Variants in CAMK2G observed in about 807,000 individuals in gnomAD.
The protein encoded by CAMK2G is calcium/calmodulin-dependent protein kinase type II subunit gamma.
CAMK2G carries 23 observed loss-of-function variants against 88.7 expected under a neutral mutation model. The observed-to-expected ratio is 0.26, with a 90% CI of 0.19 to 0.37. The LOEUF (loss-of-function observed/expected upper bound fraction) is 0.37, where lower values mean the gene tolerates loss of function less well. CAMK2G is among the 10% of genes least tolerant of loss of function. CAMK2G has a pLI of 1.00. For missense variants in CAMK2G, 476 were observed against 780.8 expected, an observed-to-expected ratio of 0.61 and a Z score of 4.65; for synonymous variants, 263 against 294.8, an observed-to-expected ratio of 0.89 and a Z score of 1.11.
At chr10:73,863,595 C>T (rs2095472982) in intron 2 of CAMK2G, among the ~76,000 whole-genome samples, 1 of 152,224 alleles carries the variant, frequency 6.6e-6, no homozygotes, top group African/African-American at 2.4e-5. Flanking sequence ...TGCAGGAGAA[C>T]AGCATCTTGC....
rs948696125 is a variant in CAMK2G at position 73,848,091 on chromosome 10, C to A, written c.602-9G>T. The A allele has an allele frequency of 6.6e-7, 1 of 1,520,586 alleles. No homozygotes were observed. 94.2% of individuals were successfully genotyped at this position (1,520,586 alleles called of 1,614,324 possible). A position where few individuals can be genotyped will look rare whatever the true frequency, so the allele number is the denominator to read the frequency against. ...GATATACAGGATGACCCCTACGAGA[C>A]AGAACACACAGGTCATGGGGGTCAG... is the stretch of plus-strand genomic sequence containing the variant. On this transcript the variant is annotated splice_polypyrimidine_tract_variant and intron_variant, in intron 8 of 22. Coordinates refer to ENST00000423381, the MANE Select transcript of CAMK2G (RefSeq NM_001367534.1). This position sits in a 1 kb window ranked among gnomAD's most constrained non-coding sequence, Gnocchi z 4.5.
chr10:73,817,648 T>G (rs1047439889), intron 19 of CAMK2G, 94 bp from the exon 20 acceptor site: 1 of 822,438 alleles, frequency 1.2e-6, no homozygotes, highest in Non-Finnish European at 2.1e-6. Context: ...CTGTGATCGC[T>G]TATGACAAAG....
Position 73,864,711 on chromosome 10 carries a change from C to T in CAMK2G, c.161-3822G>A, listed in dbSNP as rs539238390. Among the ~76,000 whole-genome samples the T allele has an allele frequency of 2.5e-3, 376 of 152,172 alleles. 1 individual carries two copies. Among genetic ancestry groups the T allele is most frequent in the African/African-American group, 8.4e-3 (348 of 41,510 alleles). The stretch of plus-strand genomic sequence containing the variant: ...AGGCTGGAGTGCAGTGGCATGATCT[C>T]GGCTCACTGCAAGCTCCGCCTCCCA... On this transcript the variant is annotated intron_variant, in intron 2 of 22. Coordinates refer to ENST00000423381, the MANE Select transcript of CAMK2G (RefSeq NM_001367534.1).
chr10:73,858,326 A>G (rs938317974), intron 3 of CAMK2G, among the ~76,000 whole-genome samples: 1 of 152,334 alleles, frequency 6.6e-6, no homozygotes, highest in African/African-American at 2.4e-5. Flanking sequence ...AAGAGGCCAG[A>G]GCCAAAAGGG....
At chr10:73,872,640 C>T (rs996614831) in intron 2 of CAMK2G, among the ~76,000 whole-genome samples, 4 of 152,320 alleles carry the variant, frequency 2.6e-5, no homozygotes, top group East Asian at 1.9e-4. Flanking sequence ...GCAGTAGCCA[C>T]CACTGCCCCA....
chr10:73,814,830 T>C, intron 22 of CAMK2G, 173 bp downstream of exon 22: 1 of 597,348 alleles, frequency 1.7e-6, no homozygotes, highest in Non-Finnish European at 3.0e-6. Context: ...AGCCAGACCC[T>C]AGTCTGTCTG....
At position 73,842,612 on chromosome 10, in the gene CAMK2G, TACCATGCCCAGGACAGGGTC is replaced by T; in HGVS notation, c.820-91_820-72del. The T allele has an allele frequency of 9.1e-7, 1 of 1,095,976 alleles. No individual in the cohort carries two copies. The highest frequency in any genetic ancestry group is 1.4e-6 in the Non-Finnish European group (1 of 712,956). 67.9% of individuals were successfully genotyped at this position (1,095,976 alleles called of 1,614,324 possible). ...GCGCCTCCCACAGTCCTGGCACCGA[TACCATGCCCAGGACAGGGTC>T]ATGCACTCAGCCACCCCAGAGTTGC... is the stretch of plus-strand genomic sequence containing the variant. On this transcript the variant is annotated intron_variant, in intron 10 of 22. Transcript: ENST00000423381. This position sits in a 1 kb window ranked among gnomAD's most constrained non-coding sequence, Gnocchi z 4.6.
At chr10:73,834,297 C>T (rs746549051) in intron 14 of CAMK2G, among the ~76,000 whole-genome samples, 12 of 152,176 alleles carry the variant, frequency 7.9e-5, no homozygotes, top group Non-Finnish European at 1.5e-4. Context: ...ACAACGGCTG[C>T]GAATACGCGG....
At chr10:73,828,362 T>C (rs2091659951) in intron 14 of CAMK2G, among the ~76,000 whole-genome samples, 1 of 152,178 alleles carries the variant, frequency 6.6e-6, no homozygotes, top group Non-Finnish European at 1.5e-5. Context: ...AGATTTAGTA[T>C]CTTCTGAGAT....
At position 73,839,704 on chromosome 10, in the gene CAMK2G, A is replaced by C. The variant is rs946063802; in HGVS notation, c.947-103T>G. 1.6e-6 allele frequency: 1 copy of C among 638,894 alleles called. No homozygotes were observed. The highest frequency in any genetic ancestry group is 4.4e-5 in the Admixed American group (1 of 22,846). 39.6% of individuals were successfully genotyped at this position (638,894 alleles called of 1,614,324 possible). On this transcript the variant is annotated intron_variant, in intron 12 of 22. Transcript: ENST00000423381. This position sits in a 1 kb window ranked among gnomAD's most constrained non-coding sequence, Gnocchi z 4.2. ...AGGCGCAGCCCAGGCGGCGTGGCCA[A>C]GCCAGCCGAGCTGGGGGAGCGGAGC...
At chr10:73,828,166 G>A (rs771393708) in intron 14 of CAMK2G, 45 bp from the exon 15 acceptor site, 11 of 1,547,128 alleles carry the variant, frequency 7.1e-6, no homozygotes, top group Non-Finnish European at 8.0e-6. Flanking sequence ...GAAAGAGGAG[G>A]TAAGAAGAGA....
chr10:73,851,795 G>GAGTGC (rs1440933769), intron 5 of CAMK2G, among the ~76,000 whole-genome samples: 1 of 151,890 alleles, frequency 6.6e-6, no homozygotes, highest in Non-Finnish European at 1.5e-5. Context: ...ACGCAGGCTG[G>GAGTGC]AGTGCAGTGG....
chr10:73,812,905 G>T lies in CAMK2G; in HGVS notation c.*1613C>A, dbSNP rs757190595. 6 of 152,720 alleles carry T rather than the reference G, an allele frequency of 3.9e-5. No individual in the cohort carries two copies. The highest frequency in any genetic ancestry group is 1.4e-4 in the African/African-American group (6 of 41,468). The allele number at this position is 152,720 out of a possible 1,614,324, so 9.5% of individuals were successfully genotyped here. On this transcript the variant is annotated 3_prime_UTR_variant, in exon 23 of 23. Transcript: ENST00000423381. ...GGGCTGGGACATGCATGAGGTGCTC[G>T]GAGGAGCCTGGCTAAATCCAAGCAC...
At position 73,817,127 on chromosome 10, in the gene CAMK2G, G is replaced by GAAA. The variant is rs751571445; in HGVS notation, c.1440-13_1440-11dup. 7.1e-7 allele frequency: 1 copy of GAAA among 1,413,160 alleles called. No individual in the cohort carries two copies. Among genetic ancestry groups the GAAA allele is most frequent in the Non-Finnish European group, 9.6e-7 (1 of 1,043,302 alleles). The allele number at this position is 1,413,160 out of a possible 1,614,324, so 87.5% of individuals were successfully genotyped here. A position where few individuals can be genotyped will look rare whatever the true frequency, so the allele number is the denominator to read the frequency against. ...TGGATCACAAATCTTCCTACAGGGA[G>GAAA]AAAAAAAAAAGCAGCCTATCAGGCT... On this transcript the variant is annotated splice_polypyrimidine_tract_variant and intron_variant, in intron 20 of 22. Transcript: ENST00000423381.
chr10:73,873,232 A>G, intron 1 of CAMK2G, 149 bp from the exon 2 acceptor site: 1 of 1,005,594 alleles, frequency 9.9e-7, no homozygotes, highest in Non-Finnish European at 1.5e-6. Flanking sequence ...GACCACCACC[A>G]TCCAACATGA....
At chr10:73,844,555 G>A (rs933954165) in intron 10 of CAMK2G, among the ~76,000 whole-genome samples, 1 of 152,038 alleles carries the variant, frequency 6.6e-6, no homozygotes, top group African/African-American at 2.4e-5. Flanking sequence ...TTATAGGTGT[G>A]TACCAACATA....
chr10:73,833,649 GC>G (rs1360876855), intron 14 of CAMK2G, among the ~76,000 whole-genome samples: 1 of 149,022 alleles, frequency 6.7e-6, no homozygotes, highest in Admixed American at 6.7e-5. Flanking sequence ...AGGCTGGAGT[GC>G]AGTGGTGTAA....
At chr10:73,833,408 G>C (rs1260146595) in intron 14 of CAMK2G, among the ~76,000 whole-genome samples, 1 of 152,116 alleles carries the variant, frequency 6.6e-6, no homozygotes, top group Non-Finnish European at 1.5e-5. Context: ...TTATGGTTTT[G>C]ACACACAGGC....
At chr10:73,871,968 G>A (rs1289183562) in intron 2 of CAMK2G, among the ~76,000 whole-genome samples, 2 of 152,174 alleles carry the variant, frequency 1.3e-5, no homozygotes, top group African/African-American at 4.8e-5. Context: ...CAAAGCCCAT[G>A]TCTTCCCCAG....
Sources: allele counts gnomAD v4.1 joint callset (sites outside exome capture counted in the v4.1 genomes callset), GRCh38; gene constraint gnomAD v4.1.1; non-coding constraint Gnocchi (gnomAD v3.1); transcripts MANE v1.5; gene names NCBI Gene and HGNC (gene_info 2026-07-23, HGNC 2026-07-21).